SLC30A7: variants seen among roughly 807,000 people sequenced by gnomAD.
SLC30A7 encodes the protein solute carrier family 30 member 7.
Under a neutral mutation model 46.0 loss-of-function variants are expected in SLC30A7, and 35 were observed. The ratio of observed to expected loss-of-function variants is 0.76; its 90% confidence interval spans 0.58 to 1.01. SLC30A7 has a LOEUF of 1.01. Ranked by LOEUF, SLC30A7 falls within the 50% of genes least tolerant of loss-of-function variation. The pLI is 0.00. For synonymous variants in SLC30A7, 147 were observed against 157.8 expected (o/e 0.93, Z 0.51); for missense variants, 464 against 451.1 (o/e 1.03, Z -0.26).
the SLC30A7 span, among the ~76,000 whole-genome samples, chr1:100,993,745 A>T: frequency 6.6e-6 from 1 of 150,690 alleles, no homozygotes; most frequent in Non-Finnish European, 1.5e-5. Flanking sequence ...GTTTGTAAAA[A>T]GGCAATTTTT....
chr1:100,937,308 G>C (rs1257903067), intron 8 of SLC30A7, among the ~76,000 whole-genome samples: 1 of 152,056 alleles, frequency 6.6e-6, no homozygotes, highest in Non-Finnish European at 1.5e-5. Flanking sequence ...GGAATTGCTG[G>C]ATCATATGGT....
chr1:100,984,438 G>T (rs1262835411), downstream of SLC30A7, among the ~76,000 whole-genome samples: 1 of 152,148 alleles, frequency 6.6e-6, no homozygotes, highest in East Asian at 1.9e-4. Context: ...TGAACCCCAA[G>T]GATCATCCTC....
intron 9 of SLC30A7, among the ~76,000 whole-genome samples, chr1:100,963,358 T>C (rs983908680): frequency 2.0e-5 from 3 of 152,026 alleles, no homozygotes; most frequent in African/African-American, 7.2e-5. Flanking sequence ...TAATTAACTG[T>C]GTTGAATATT....
rs1436849953 is a variant in SLC30A7 at position 100,979,081 on chromosome 1, A to G, written c.*4224A>G. ...TTGCATTTTAAAGATTTTTAGAGCC[A>G]TGCAAAACTGGGCATTAAATGTTGC... On this transcript the variant is annotated 3_prime_UTR_variant, in exon 11 of 11. Coordinates refer to ENST00000357650, the MANE Select transcript of SLC30A7 (RefSeq NM_133496.5). 3 of 152,194 alleles carry G rather than the reference A, an allele frequency of 2.0e-5. No individual in the cohort carries two copies. Among genetic ancestry groups the G allele is most frequent in the African/African-American group, 7.2e-5 (3 of 41,460 alleles). The allele number at this position is 152,194 out of a possible 1,614,324, so 9.4% of individuals were successfully genotyped here.
chr1:100,960,547 C>G lies in SLC30A7; in HGVS notation c.843-1281C>G, dbSNP rs145489067. On this transcript the variant is annotated intron_variant, in intron 8 of 10. Coordinates refer to ENST00000357650, the MANE Select transcript of SLC30A7 (RefSeq NM_133496.5). ...TCCTTTCCATCTGTCAAAATAACAC[C>G]AGTCCTGAAAGTATACTTGCTTCTA... is the stretch of plus-strand genomic sequence containing the variant. 9.4e-4 allele frequency among the ~76,000 whole-genome samples: 143 copies of G among 152,222 alleles called. 1 individual carries two copies. The highest frequency in any genetic ancestry group is 3.3e-3 in the African/African-American group (139 of 41,536).
rs1464225713 is a variant in SLC30A7, at chr1:100,978,430, C to G, written c.*3573C>G. On this transcript the variant is annotated 3_prime_UTR_variant, in exon 11 of 11. Transcript: ENST00000357650. ...GTTATGTAATTCCAAAACTTAAGAA[C>G]CATATTTACATTGCTTAACACAGAA... The G allele has an allele frequency of 2.0e-5, 3 of 152,104 alleles. No homozygotes were observed. The highest frequency in any genetic ancestry group is 4.4e-5 in the Non-Finnish European group (3 of 68,006). 9.4% of individuals were successfully genotyped at this position (152,104 alleles called of 1,614,324 possible). A position where few individuals can be genotyped will look rare whatever the true frequency, so the allele number is the denominator to read the frequency against.
rs562269715 is a variant in SLC30A7, at chr1:100,909,990, C to A, written c.297-1073C>A. On this transcript the variant is annotated intron_variant, in intron 3 of 10. Coordinates refer to ENST00000357650, the MANE Select transcript of SLC30A7 (RefSeq NM_133496.5). The stretch of plus-strand genomic sequence containing the variant: ...TCCAGGAAAAAAAAATATGTTTTGA[C>A]AAGTAATACGTTATTTGGATGTGTT... 4.0e-5 allele frequency among the ~76,000 whole-genome samples: 6 copies of A among 151,894 alleles called. No homozygotes were observed. In the South Asian group the frequency reaches 1.0e-3, roughly 26 times the overall value.
chr1:100,913,828 A>G, intron 6 of SLC30A7, 22 bp downstream of exon 6: 2 of 1,587,856 alleles, frequency 1.3e-6, no homozygotes, highest in Non-Finnish European at 1.7e-6. Flanking sequence ...CTAGAGACAA[A>G]TGGACAGCCT....
At chr1:100,971,005 T>G (rs1473661380) in intron 10 of SLC30A7, among the ~76,000 whole-genome samples, 1 of 152,140 alleles carries the variant, frequency 6.6e-6, no homozygotes, top group Non-Finnish European at 1.5e-5. Context: ...TCTTCCATCT[T>G]TTCTACTCTT....
chr1:100,967,590 A>G (rs1655935870), intron 10 of SLC30A7, among the ~76,000 whole-genome samples: 1 of 152,162 alleles, frequency 6.6e-6, no homozygotes, highest in African/African-American at 2.4e-5. Flanking sequence ...ATTTGATACC[A>G]TGGGGAATAC....
the SLC30A7 span, among the ~76,000 whole-genome samples, chr1:100,989,140 G>A: frequency 3.3e-5 from 5 of 152,102 alleles, no homozygotes; most frequent in African/African-American, 4.8e-5. Context: ...ATAATAAATG[G>A]AGTGTTATTT....
chr1:100,910,939 T>A (rs1023771462), intron 3 of SLC30A7, 124 bp from the exon 4 acceptor site: 4 of 678,792 alleles, frequency 5.9e-6, no homozygotes, highest in Non-Finnish European at 1.0e-5. Flanking sequence ...CTATAAACAC[T>A]AGGGCTTCGC....
At chr1:100,995,565 T>C in the SLC30A7 span, 4 of 157,748 alleles carry the variant, frequency 2.5e-5, no homozygotes, top group Admixed American at 6.1e-5. Context: ...GTCTTTTGCT[T>C]TCTGACGAAT....
chr1:100,945,161 A>G (rs552151763), intron 8 of SLC30A7, among the ~76,000 whole-genome samples: 1 of 152,178 alleles, frequency 6.6e-6, no homozygotes, highest in South Asian at 2.1e-4. Context: ...ATTTGTTTTA[A>G]GTTCTTTGTA....
At chr1:100,896,432 A>G in intron 1 of SLC30A7, 90 bp downstream of exon 1, 2 of 1,474,158 alleles carry the variant, frequency 1.4e-6, no homozygotes. Context: ...AGTGAGGGAG[A>G]GTCAAAAACT....
At chr1:100,993,555 T>TATAA in the SLC30A7 span, among the ~76,000 whole-genome samples, 3 of 74,668 alleles carry the variant, frequency 4.0e-5, no homozygotes, top group African/African-American at 5.3e-5. Flanking sequence ...CTGTCGAAAA[T>TATAA]ATAAATATAT....
At chr1:100,933,493 T>G (rs1326563266) in intron 8 of SLC30A7, among the ~76,000 whole-genome samples, 1 of 152,086 alleles carries the variant, frequency 6.6e-6, no homozygotes, top group African/African-American at 2.4e-5. Flanking sequence ...TGTGTACATG[T>G]GCCATGTTGG....
At chr1:100,958,413 T>C (rs1000229486) in intron 8 of SLC30A7, among the ~76,000 whole-genome samples, 2 of 152,180 alleles carry the variant, frequency 1.3e-5, no homozygotes, top group Non-Finnish European at 2.9e-5. Flanking sequence ...CCTGACCTCA[T>C]GATCCACCCG....
intron 9 of SLC30A7, among the ~76,000 whole-genome samples, chr1:100,962,714 AG>A (rs1655617440): frequency 6.6e-6 from 1 of 152,248 alleles, no homozygotes; most frequent in Non-Finnish European, 1.5e-5. Context: ...AGGCAATAGA[AG>A]TGTCATAAAT....
Sources: allele counts gnomAD v4.1 joint callset (sites outside exome capture counted in the v4.1 genomes callset), GRCh38; gene constraint gnomAD v4.1.1; transcripts MANE v1.5; gene names NCBI Gene and HGNC (gene_info 2026-07-23, HGNC 2026-07-21).